Variants in ABI3BP observed in about 807,000 individuals in gnomAD.
ABI3BP encodes ABI family member 3 binding protein.
Under a neutral mutation model 268.6 loss-of-function variants are expected in ABI3BP, and 216 were observed. The observed-to-expected ratio is 0.80, with a 90% confidence interval of 0.72 to 0.90. The LOEUF (loss-of-function observed/expected upper bound fraction) is 0.90. ABI3BP is among the 40% of genes least tolerant of loss of function. The pLI is 0.00. For synonymous variants in ABI3BP, 730 were observed against 730.0 expected, an observed-to-expected ratio of 1.00 and a Z score of 0.00; for missense variants, 2,090 against 2,182.4, an observed-to-expected ratio of 0.96 and a Z score of 0.84.
intron 1 of ABI3BP, among the ~76,000 whole-genome samples, chr3:100,972,828 T>C (rs926998092): frequency 4.6e-5 from 7 of 152,218 alleles, no homozygotes; most frequent in Non-Finnish European, 8.8e-5. Context: ...CAAATGTTTC[T>C]ACTAATTAAC....
intron 2 of ABI3BP, among the ~76,000 whole-genome samples, chr3:100,915,367 T>C (rs2058264710): frequency 6.6e-6 from 1 of 152,156 alleles, no homozygotes; most frequent in African/African-American, 2.4e-5. Flanking sequence ...CCCAACCAAA[T>C]GCCCTACTTA....
At chr3:100,797,629 A>G (rs2097388322) in intron 51 of ABI3BP, among the ~76,000 whole-genome samples, 1 of 149,868 alleles carries the variant, frequency 6.7e-6, no homozygotes, top group Non-Finnish European at 1.5e-5. Context: ...GAAATAGGTT[A>G]TATAAAATGA....
In ABI3BP at chr3:100,770,760, A is replaced by G. The variant is rs954007857; in HGVS notation, c.4724T>C (p.Leu1575Pro). The change falls in exon 62 of 68, where the codon CTA (leucine) becomes CCA (proline). Residue 1575 changes from leucine (L) to proline (P), a missense_variant. Transcript: ENST00000471714. Reference protein sequence around the residue: ...SFVILDWEKPLNDTVTEYEVI... With the variant: ...SFVILDWEKPPNDTVTEYEVI... ...GATCTTACCAGTGACAGTGTCATTT[A>G]GTGGCTTTTCCCAGTCCAAGATGAC... is the stretch of plus-strand genomic sequence containing the variant. The G allele has an allele frequency of 2.6e-6, 4 of 1,513,096 alleles. No homozygotes were observed. The highest frequency in any genetic ancestry group is 2.1e-5 in the Admixed American group (1 of 48,496). The allele number at this position is 1,513,096 out of a possible 1,614,324, so 93.7% of individuals were successfully genotyped here. A position where few individuals can be genotyped will look rare whatever the true frequency, so the allele number is the denominator to read the frequency against.
Position 100,750,118 on chromosome 3 carries a change from A to ACAT in ABI3BP, c.*374_*376dup, listed in dbSNP as rs2095237299. The ACAT allele has an allele frequency of 4.5e-6, 1 of 223,602 alleles. No individual in the cohort carries two copies. The highest frequency in any genetic ancestry group is 2.3e-5 in the African/African-American group (1 of 44,386). 13.9% of individuals were successfully genotyped at this position (223,602 alleles called of 1,614,324 possible). A position where few individuals can be genotyped will look rare whatever the true frequency, so the allele number is the denominator to read the frequency against. ...ATTAACTCATCAATAGGAAGAGTAC[A>ACAT]CATCAATAAAAGTAAATTTTTTTTA... is the stretch of plus-strand genomic sequence containing the variant. On this transcript the variant is annotated 3_prime_UTR_variant, in exon 68 of 68. Coordinates refer to ENST00000471714, the MANE Select transcript of ABI3BP (RefSeq NM_001375547.2).
At chr3:100,888,996 TC>T (rs1338705576) in intron 4 of ABI3BP, among the ~76,000 whole-genome samples, 1 of 151,990 alleles carries the variant, frequency 6.6e-6, no homozygotes, top group Non-Finnish European at 1.5e-5. Context: ...GCTCTAAGGG[TC>T]ATTTAAAAAT....
intron 9 of ABI3BP, among the ~76,000 whole-genome samples, chr3:100,871,738 G>T (rs1451514457): frequency 1.3e-5 from 2 of 152,134 alleles, no homozygotes; most frequent in Admixed American, 1.3e-4. Flanking sequence ...TTTGTAAATT[G>T]TCCAGTCTCG....
At chr3:100,774,694 AC>A in intron 60 of ABI3BP, 21 bp from the exon 61 acceptor site, 1 of 1,527,312 alleles carries the variant, frequency 6.5e-7, no homozygotes, top group Non-Finnish European at 8.9e-7. Flanking sequence ...AAAATAATGA[AC>A]AGTTTTGGCA....
rs750777983 is a variant in ABI3BP at position 100,750,511 on chromosome 3, A to G, written c.5345T>C (p.Ile1782Thr). The G allele has an allele frequency of 6.2e-7, 1 of 1,612,140 alleles. No homozygotes were observed. Among genetic ancestry groups the G allele is most frequent in the Non-Finnish European group, 8.5e-7 (1 of 1,178,948 alleles). Residue 1782 changes from isoleucine to threonine, a missense_variant, in exon 68 of 68, where the codon ATT becomes ACT. Ile to Thr is a moderately conservative substitution (Grantham distance 89). Transcript: ENST00000471714. ...GTGCAGCATCTACCATTTTCCAGGA[A>G]TTGTAGTCCCACATTCATACCACTG... is the stretch of plus-strand genomic sequence containing the variant. ...YVQWYECGTTIPGKW is the reference protein window; with the variant it reads ...YVQWYECGTTTPGKW
chr3:100,917,245 GAA>G (rs2153591122), intron 2 of ABI3BP, among the ~76,000 whole-genome samples: 1 of 152,206 alleles, frequency 6.6e-6, no homozygotes, highest in African/African-American at 2.4e-5. Flanking sequence ...TGACACAGAA[GAA>G]ACACACACAC....
intron 14 of ABI3BP, among the ~76,000 whole-genome samples, chr3:100,860,641 A>T (rs1045826701): frequency 1.3e-5 from 2 of 152,188 alleles, no homozygotes; most frequent in African/African-American, 4.8e-5. Flanking sequence ...TCGAGCCTTC[A>T]TATATAATTC....
intron 3 of ABI3BP, among the ~76,000 whole-genome samples, chr3:100,900,519 TAA>T (rs1221125556): frequency 6.6e-6 from 1 of 152,210 alleles, no homozygotes; most frequent in Non-Finnish European, 1.5e-5. Context: ...TCTCTATGTA[TAA>T]AAATAATGCC....
intron 2 of ABI3BP, among the ~76,000 whole-genome samples, chr3:100,909,288 C>T (rs1444857922): frequency 6.6e-6 from 1 of 152,046 alleles, no homozygotes. Flanking sequence ...AAACGTAAGA[C>T]CCAAAACCAT....
At chr3:100,991,981 C>T (rs539259886) in intron 1 of ABI3BP, among the ~76,000 whole-genome samples, 28 of 152,168 alleles carry the variant, frequency 1.8e-4, no homozygotes, top group Non-Finnish European at 3.8e-4. Flanking sequence ...AGACTCTTCT[C>T]AAATGATATG....
At chr3:100,817,366 T>C in intron 42 of ABI3BP, 70 bp downstream of exon 42, 1 of 1,114,922 alleles carries the variant, frequency 9.0e-7, no homozygotes. Context: ...GACAATGTGA[T>C]TATGATAATG....
intron 13 of ABI3BP, 113 bp from the exon 14 acceptor site, chr3:100,862,498 C>A: frequency 1.5e-6 from 1 of 672,344 alleles, no homozygotes; most frequent in Non-Finnish European, 2.6e-6. Flanking sequence ...CTGCAGTATA[C>A]CAATACAATA....
rs189421379 is a variant in ABI3BP, at chr3:100,793,520, A to C, written c.3947-752T>G. On this transcript the variant is annotated intron_variant, in intron 54 of 67. Transcript: ENST00000471714. Reference sequence around the variant, plus strand: ...TGAATAAACCAAGACACATTAGAAAAATAGGGAGTAGAAGTTAAATAATTA... The same window carrying C: ...TGAATAAACCAAGACACATTAGAAACATAGGGAGTAGAAGTTAAATAATTA... Among the ~76,000 whole-genome samples, 25 of 152,158 alleles carry C rather than the reference A, an allele frequency of 1.6e-4. No individual in the cohort carries two copies. In the South Asian group the frequency reaches 2.5e-3, roughly 15 times the overall value.
intron 1 of ABI3BP, among the ~76,000 whole-genome samples, chr3:100,948,958 T>A (rs1429916974): frequency 6.6e-6 from 1 of 152,162 alleles, no homozygotes; most frequent in Non-Finnish European, 1.5e-5. Context: ...TTTTAAAAAA[T>A]TATTCATTTA....
At chr3:100,961,633 G>C (rs1294648060) in intron 1 of ABI3BP, among the ~76,000 whole-genome samples, 1 of 152,152 alleles carries the variant, frequency 6.6e-6, no homozygotes, top group African/African-American at 2.4e-5. Context: ...CTCTTGTTGG[G>C]CAAGATTCCA....
At chr3:100,918,031 G>C (rs568790456) in intron 2 of ABI3BP, among the ~76,000 whole-genome samples, 1 of 151,648 alleles carries the variant, frequency 6.6e-6, no homozygotes, top group East Asian at 1.9e-4. Flanking sequence ...TAAATTTTGC[G>C]CCTTGGAGGA....
Sources: allele counts gnomAD v4.1 joint callset (sites outside exome capture counted in the v4.1 genomes callset), GRCh38; gene constraint gnomAD v4.1.1; transcripts MANE v1.5; gene names NCBI Gene and HGNC (gene_info 2026-07-23, HGNC 2026-07-21).